The following PROSER1 variants were observed in gnomAD, a reference collection of about 807,000 sequenced individuals.
The protein encoded by PROSER1 is proline and serine-rich protein 1.
In PROSER1, 36 loss-of-function variants were observed where a neutral mutation model predicts 71.8. The ratio of observed to expected loss-of-function variants is 0.50; its 90% CI spans 0.38 to 0.66. The LOEUF is 0.66. Among genes scored for constraint, PROSER1 ranks in the 30% least tolerant of loss-of-function variants. The pLI is 0.00. For synonymous variants in PROSER1, 490 were observed against 452.4 expected, an observed-to-expected ratio of 1.08 and a Z score of -1.06; for missense variants, 1,107 against 1,135.0, an observed-to-expected ratio of 0.98 and a Z score of 0.35.
intron 1 of PROSER1, among the ~76,000 whole-genome samples, chr13:39,036,871 G>A (rs1318459383): frequency 6.6e-6 from 1 of 152,086 alleles, no homozygotes; most frequent in Non-Finnish European, 1.5e-5. Flanking sequence ...ACTGAAAGAT[G>A]AGGCAATAAA....
chr13:39,031,878 G>T (rs541602498), intron 2 of PROSER1, among the ~76,000 whole-genome samples: 1 of 152,284 alleles, frequency 6.6e-6, no homozygotes, highest in African/African-American at 2.4e-5. Flanking sequence ...GTGCTCCAGA[G>T]CTATGTGAGG....
chr13:39,018,099 C>G (rs949752556), intron 9 of PROSER1: 1 of 152,666 alleles, frequency 6.6e-6, no homozygotes, highest in African/African-American at 2.4e-5. Context: ...ACTGTCCTGC[C>G]CATTTGCTGT....
intron 11 of PROSER1, chr13:39,012,461 GCTGT>G (rs1390816775): frequency 1.6e-6 from 1 of 641,304 alleles, no homozygotes; most frequent in East Asian, 2.8e-5. Flanking sequence ...AATCCTTTCT[GCTGT>G]CTTATAAATA....
At chr13:39,032,902 A>G (rs947174071) in intron 2 of PROSER1, among the ~76,000 whole-genome samples, 8 of 151,838 alleles carry the variant, frequency 5.3e-5, no homozygotes, top group South Asian at 2.1e-4. Context: ...AAGAAATTAT[A>G]TATCTTTTTA....
intron 1 of PROSER1, among the ~76,000 whole-genome samples, chr13:39,035,811 T>C (rs1349427175): frequency 6.6e-6 from 1 of 152,242 alleles, no homozygotes; most frequent in Non-Finnish European, 1.5e-5. Context: ...AATGCTCATA[T>C]TTAGATATGC....
In PROSER1 at chr13:39,024,573, A is replaced by AG; in HGVS notation, c.481-18_481-17insC. 1 of 1,545,480 alleles carries AG rather than the reference A, an allele frequency of 6.5e-7. No homozygotes were observed. Among genetic ancestry groups the AG allele is most frequent in the East Asian group, 2.3e-5 (1 of 43,168 alleles). ...AGGAGTTCCCTATTAAAAAAAAAAAAAAAAGGTAATTGAAACTTAAAAAAA... is the reference window on the plus strand; with the variant it reads ...AGGAGTTCCCTATTAAAAAAAAAAAAGAAAAGGTAATTGAAACTTAAAAAAA... On this transcript the variant is annotated splice_polypyrimidine_tract_variant and intron_variant, in intron 6 of 12. Coordinates refer to ENST00000352251, the MANE Select transcript of PROSER1 (RefSeq NM_025138.5).
chr13:39,023,874 G>A (rs1026253431), intron 7 of PROSER1: 1 of 152,652 alleles, frequency 6.6e-6, no homozygotes, highest in East Asian at 1.9e-4. Flanking sequence ...TGGTGGTAAG[G>A]GAGCCAGATT....
intron 10 of PROSER1, among the ~76,000 whole-genome samples, chr13:39,015,000 C>T (rs998690131): frequency 6.6e-6 from 1 of 152,052 alleles, no homozygotes. Context: ...ACAGTTGCCC[C>T]GCCCCACCCC....
At chr13:39,014,819 A>C (rs1403786233) in intron 10 of PROSER1, among the ~76,000 whole-genome samples, 2 of 152,142 alleles carry the variant, frequency 1.3e-5, no homozygotes, top group African/African-American at 2.4e-5. Context: ...CTTTACCTCT[A>C]ATTCTTTCAA....
In PROSER1 at chr13:39,013,995, G is replaced by T. The variant is rs1436970083; in HGVS notation, c.1257C>A (p.Asn419Lys). ...CTGATGACAATGAAGCAGAATTTGGGTTGCTGGTAGAAGCAGCAGAAGAGC... is the reference window on the plus strand; with the variant it reads ...CTGATGACAATGAAGCAGAATTTGGTTTGCTGGTAGAAGCAGCAGAAGAGC... ...STSSSAASTS[N>K]PNSASLSSVF... Residue 419 changes from asparagine (N) to lysine (K), a missense_variant, in exon 11 of 13, where the codon AAC becomes AAA. Coordinates refer to ENST00000352251, the MANE Select transcript of PROSER1 (RefSeq NM_025138.5). 1.5e-5 allele frequency: 24 copies of T among 1,614,044 alleles called. No individual in the cohort carries two copies. The highest frequency in any genetic ancestry group is 1.9e-5 in the Non-Finnish European group (23 of 1,180,032).
rs992313583 is a variant in PROSER1, at chr13:39,015,684, G to C, written c.776-1208C>G. Among the ~76,000 whole-genome samples, 3 of 151,622 alleles carry C rather than the reference G, an allele frequency of 2.0e-5. No individual in the cohort carries two copies. The East Asian group carries it at 5.8e-4, about 29-fold the overall frequency. On this transcript the variant is annotated intron_variant, in intron 10 of 12. Transcript: ENST00000352251. ...CACATTGGGCTGAACAAATTTTGTA[G>C]TTGTTTTAGAAAAAAAAAATGATTG... is the stretch of plus-strand genomic sequence containing the variant.
chr13:39,022,400 T>C lies in PROSER1; in HGVS notation c.656A>G (p.Asn219Ser), dbSNP rs763837305. 1.1e-5 allele frequency: 17 copies of C among 1,611,740 alleles called. No homozygotes were observed. The highest frequency in any genetic ancestry group is 1.3e-5 in the Non-Finnish European group (15 of 1,177,858). Reference protein sequence around the residue: ...HATIAPSAYNNAGLVPLANVI... With the variant: ...HATIAPSAYNSAGLVPLANVI... ...ATTCGCTAATGGTACCAGACCTGCA[T>C]TGTTATAAGCACCTAAAATAAAAAC... Residue 219 changes from asparagine to serine, a missense_variant, in exon 9 of 13, where the codon AAT (asparagine) becomes AGT (serine). Asn to Ser is a conservative substitution (Grantham distance 46). Coordinates refer to ENST00000352251, the MANE Select transcript of PROSER1 (RefSeq NM_025138.5).
chr13:39,024,631 A>C, intron 6 of PROSER1, 75 bp from the exon 7 acceptor site: 8 of 977,758 alleles, frequency 8.2e-6, no homozygotes, highest in Non-Finnish European at 1.1e-5. Context: ...AACCAACCTC[A>C]CTGTATTACA....
In PROSER1 at chr13:39,023,075, C is replaced by T. The variant is rs773038908; in HGVS notation, c.620G>A (p.Arg207Gln). The T allele has an allele frequency of 4.3e-6, 7 of 1,612,440 alleles. No homozygotes were observed. The highest frequency in any genetic ancestry group is 4.5e-5 in the East Asian group (2 of 44,878). The part of the protein sequence containing the change: ...KPVPYPIPPC[R>Q]PHATIAPSAY... ...ACTTGGTGCAATAGTTGCATGTGGT[C>T]GGCATGGAGGTATCGGATAAGGAAC... The change falls in exon 8 of 13, where the codon CGA (arginine) becomes CAA (glutamine). Residue 207 changes from arginine (R) to glutamine (Q), a missense_variant. Arg to Gln is a conservative substitution (Grantham distance 43). Coordinates refer to ENST00000352251, the MANE Select transcript of PROSER1 (RefSeq NM_025138.5).
At chr13:39,031,178 A>T (rs1326578472) in intron 3 of PROSER1, among the ~76,000 whole-genome samples, 1 of 152,242 alleles carries the variant, frequency 6.6e-6, no homozygotes, top group Non-Finnish European at 1.5e-5. Flanking sequence ...TGGCTACCAC[A>T]ATGGACAGTG....
chr13:39,011,986 C>T, intron 12 of PROSER1, 97 bp downstream of exon 12: 3 of 1,294,520 alleles, frequency 2.3e-6, no homozygotes, highest in Admixed American at 2.3e-5. Flanking sequence ...CCATTTTTTG[C>T]CAATGTTGGG....
Position 39,026,270 on chromosome 13 carries a change from T to A in PROSER1, c.480+7A>T, listed in dbSNP as rs529221248. The stretch of plus-strand genomic sequence containing the variant: ...AGTTTCATATACAGCTACAGAAGTA[T>A]GCTTACTGGGAAAATTCCATTTATG... On this transcript the variant is annotated splice_region_variant and intron_variant, in intron 6 of 12. Transcript: ENST00000352251. 6.4e-7 allele frequency: 1 copy of A among 1,557,524 alleles called. No individual in the cohort carries two copies. Among genetic ancestry groups the A allele is most frequent in the East Asian group, 2.2e-5 (1 of 44,566 alleles).
At chr13:39,012,527 T>C in intron 11 of PROSER1, 164 bp downstream of exon 11, 1 of 660,252 alleles carries the variant, frequency 1.5e-6, no homozygotes, top group Non-Finnish European at 2.6e-6. Context: ...TAATATTTTA[T>C]ACATTTATCT....
Position 39,014,305 on chromosome 13 carries a change from A to G in PROSER1, c.947T>C (p.Phe316Ser). 6.2e-7 allele frequency: 1 copy of G among 1,614,152 alleles called. No individual in the cohort carries two copies. The highest frequency in any genetic ancestry group is 1.1e-5 in the South Asian group (1 of 91,080). Residue 316 changes from phenylalanine to serine, a missense_variant, in exon 11 of 13, where the codon TTC becomes TCC. Transcript: ENST00000352251. The stretch of plus-strand genomic sequence containing the variant: ...AACGGCTGAGGAGACCTGCCCTGGG[A>G]ACACAGGAAGGACAGTATTCAGCAG... ...MNLLNTVLPVFPGQVSSAVHT... is the reference protein window; with the variant it reads ...MNLLNTVLPVSPGQVSSAVHT...
Sources: allele counts gnomAD v4.1 joint callset (sites outside exome capture counted in the v4.1 genomes callset), GRCh38; gene constraint gnomAD v4.1.1; transcripts MANE v1.5; gene names NCBI Gene and HGNC (gene_info 2026-07-23, HGNC 2026-07-21).